The following ARHGAP44 variants were observed in gnomAD, a reference collection of about 807,000 sequenced individuals.
ARHGAP44 encodes the protein Rho GTPase activating protein 44.
A neutral mutation model predicts 106.8 loss-of-function variants in ARHGAP44; 43 were observed. The observed-to-expected ratio is 0.40, with a 90% CI of 0.32 to 0.52. The LOEUF (loss-of-function observed/expected upper bound fraction) is 0.52. Among genes scored for constraint, ARHGAP44 ranks in the 20% least tolerant of loss-of-function variants. The pLI, the probability that ARHGAP44 is intolerant of heterozygous loss-of-function variation, is 0.48. For missense variants in ARHGAP44, 866 were observed against 1,050.5 expected (o/e 0.82, Z 2.43); for synonymous variants, 439 against 410.3 (o/e 1.07, Z -0.85).
intron 3 of ARHGAP44, among the ~76,000 whole-genome samples, chr17:12,897,756 T>C (rs1422403995): frequency 8.1e-6 from 1 of 123,242 alleles, no homozygotes; most frequent in Non-Finnish European, 1.7e-5. Flanking sequence ...ATTTTTAAAA[T>C]AACTGGTCCA....
intron 1 of ARHGAP44, among the ~76,000 whole-genome samples, chr17:12,828,763 T>C (rs1194204517): frequency 2.0e-5 from 3 of 150,678 alleles, no homozygotes; most frequent in Admixed American, 2.0e-4. Context: ...TGCCTCAGCC[T>C]GCTGAGTAGC....
chr17:12,921,923 C>T (rs1046962187), intron 6 of ARHGAP44, among the ~76,000 whole-genome samples: 6 of 152,126 alleles, frequency 3.9e-5, no homozygotes, highest in Non-Finnish European at 8.8e-5. Flanking sequence ...CAAGACCAGA[C>T]ATAAAACAGG....
chr17:12,938,991 C>G (rs1169392216), intron 7 of ARHGAP44, among the ~76,000 whole-genome samples: 1 of 152,178 alleles, frequency 6.6e-6, no homozygotes, highest in Non-Finnish European at 1.5e-5. Context: ...GGCCTTCTTT[C>G]CTTTCCTCTG....
chr17:12,888,007 T>C (rs1053416257), intron 1 of ARHGAP44, among the ~76,000 whole-genome samples: 46 of 152,104 alleles, frequency 3.0e-4, no homozygotes, highest in African/African-American at 8.7e-4. Flanking sequence ...ATAATGTTCT[T>C]TTCAGTCTTG....
chr17:12,901,084 C>T (rs1320149175), intron 3 of ARHGAP44, among the ~76,000 whole-genome samples: 1 of 152,064 alleles, frequency 6.6e-6, no homozygotes, highest in South Asian at 2.1e-4. Flanking sequence ...CCACCATGCC[C>T]AGCTAACTTT....
At chr17:12,973,898 C>A in intron 17 of ARHGAP44, 191 bp from the exon 18 acceptor site, 1 of 655,874 alleles carries the variant, frequency 1.5e-6, no homozygotes, top group Non-Finnish European at 2.7e-6. Flanking sequence ...CTGCCCAGGG[C>A]TGTGTCTTGG....
chr17:12,855,409 G>C (rs2035878641), intron 1 of ARHGAP44, among the ~76,000 whole-genome samples: 1 of 152,088 alleles, frequency 6.6e-6, no homozygotes, highest in Non-Finnish European at 1.5e-5. Flanking sequence ...GTGTCAGGAA[G>C]TCTTTCTTTT....
At chr17:12,852,693 C>T (rs2035789892) in intron 1 of ARHGAP44, among the ~76,000 whole-genome samples, 1 of 151,942 alleles carries the variant, frequency 6.6e-6, no homozygotes, top group East Asian at 1.9e-4. Context: ...AGGTGCCTGC[C>T]ACCACGCCCG....
chr17:12,944,300 C>T (rs905630351), intron 10 of ARHGAP44, 104 bp downstream of exon 10: 76 of 1,398,092 alleles, frequency 5.4e-5, no homozygotes, highest in East Asian at 2.8e-4. Context: ...CCGGCCCCCA[C>T]GAATCCAAAT....
chr17:12,907,395 T>G (rs1024234386), intron 3 of ARHGAP44, among the ~76,000 whole-genome samples: 20 of 152,194 alleles, frequency 1.3e-4, no homozygotes, highest in African/African-American at 4.8e-4. Flanking sequence ...ACAGTTAGTC[T>G]ATTTACCACC....
In ARHGAP44 at chr17:12,789,653, G is replaced by C. The variant is rs2033667133; in HGVS notation, c.-186G>C. The C allele has an allele frequency of 5.4e-6, 2 of 372,494 alleles. No homozygotes were observed. The highest frequency in any genetic ancestry group is 9.3e-6 in the Non-Finnish European group (2 of 214,854). 23.1% of individuals were successfully genotyped at this position (372,494 alleles called of 1,614,324 possible). A position where few individuals can be genotyped will look rare whatever the true frequency, so the allele number is the denominator to read the frequency against. On this transcript the variant is annotated 5_prime_UTR_variant, in exon 1 of 21. Coordinates refer to ENST00000379672, the MANE Select transcript of ARHGAP44 (RefSeq NM_014859.6). ...AGGGGGATGCGGCAGGAGGCGGCGC[G>C]GCGGGAGGAGTAGGCGGCGGCGCCC... is the stretch of plus-strand genomic sequence containing the variant.
chr17:12,789,796 C>T lies in ARHGAP44; in HGVS notation c.-43C>T, dbSNP rs1354050732. On this transcript the variant is annotated 5_prime_UTR_variant, in exon 1 of 21. Coordinates refer to ENST00000379672, the MANE Select transcript of ARHGAP44 (RefSeq NM_014859.6). ...CCCTGCGGCGGGCTCCGGGCTGCTC[C>T]GTCCTTCCCCAGCTCCCGGGCTAGC... 6.7e-7 allele frequency: 1 copy of T among 1,483,948 alleles called. No individual in the cohort carries two copies. The highest frequency in any genetic ancestry group is 8.9e-7 in the Non-Finnish European group (1 of 1,117,870). The allele number at this position is 1,483,948 out of a possible 1,614,324, so 91.9% of individuals were successfully genotyped here.
chr17:12,983,443 T>C (rs565790407), intron 19 of ARHGAP44, among the ~76,000 whole-genome samples: 1 of 152,102 alleles, frequency 6.6e-6, no homozygotes, highest in Non-Finnish European at 1.5e-5. Flanking sequence ...TGTCATCCTA[T>C]AGGGAGATTG....
At chr17:12,833,086 G>C (rs2035135434) in intron 1 of ARHGAP44, among the ~76,000 whole-genome samples, 1 of 152,184 alleles carries the variant, frequency 6.6e-6, no homozygotes, top group Non-Finnish European at 1.5e-5. Flanking sequence ...GGCAAAGCTA[G>C]GGAGACTATC....
At chr17:12,929,712 C>T (rs1371164502) in intron 7 of ARHGAP44, among the ~76,000 whole-genome samples, 1 of 152,192 alleles carries the variant, frequency 6.6e-6, no homozygotes, top group African/African-American at 2.4e-5. Flanking sequence ...ATATGTACAT[C>T]TCTTTACCTG....
At chr17:12,860,843 G>T (rs535694363) in intron 1 of ARHGAP44, among the ~76,000 whole-genome samples, 2 of 146,056 alleles carry the variant, frequency 1.4e-5, no homozygotes, top group South Asian at 2.2e-4. Flanking sequence ...TCGGTATATG[G>T]TTTTTTTCTA....
intron 1 of ARHGAP44, among the ~76,000 whole-genome samples, chr17:12,885,138 A>G (rs2036845679): frequency 6.6e-6 from 1 of 152,118 alleles, no homozygotes; most frequent in Admixed American, 6.5e-5. Flanking sequence ...TGACCTCGTG[A>G]TCTGCCCTCC....
In ARHGAP44 at chr17:12,938,448, G is replaced by GT. The variant is rs540707558; in HGVS notation, c.583-2607dup. Among the ~76,000 whole-genome samples, 71 of 152,002 alleles carry GT rather than the reference G, an allele frequency of 4.7e-4. 1 individual carries two copies. Among genetic ancestry groups the GT allele is most frequent in the South Asian group, 8.3e-4 (4 of 4,822 alleles). ...AACTATTTCAGAAATATATAGATCAGTAAAAAAAAGACATTCCAGCATGAA... is the reference window on the plus strand; with the variant it reads ...AACTATTTCAGAAATATATAGATCAGTTAAAAAAAAGACATTCCAGCATGAA... On this transcript the variant is annotated intron_variant, in intron 7 of 20. Transcript: ENST00000379672.
intron 1 of ARHGAP44, among the ~76,000 whole-genome samples, chr17:12,809,735 G>A (rs750287716): frequency 6.6e-6 from 1 of 152,128 alleles, no homozygotes; most frequent in African/African-American, 2.4e-5. Context: ...GACTAATTAC[G>A]CAGTCAAAGT....
Sources: allele counts gnomAD v4.1 joint callset (sites outside exome capture counted in the v4.1 genomes callset), GRCh38; gene constraint gnomAD v4.1.1; transcripts MANE v1.5; gene names NCBI Gene and HGNC (gene_info 2026-07-23, HGNC 2026-07-21).